Variants in SNX29 observed in about 807,000 individuals in gnomAD.
SNX29 encodes the protein sorting nexin 29.
Under a neutral mutation model 102.1 loss-of-function variants are expected in SNX29, and 78 were observed. The observed-to-expected ratio is 0.76, with a 90% CI of 0.64 to 0.92. The LOEUF is 0.92. Ranked by LOEUF, SNX29 falls within the 40% of genes least tolerant of loss-of-function variation. The probability of loss-of-function intolerance (pLI) is 0.00; values close to 1 mark genes in which losing one functional copy is unlikely to be tolerated. For missense variants in SNX29, 1,280 were observed against 1,061.7 expected, an observed-to-expected ratio of 1.21 and a Z score of -2.86; for synonymous variants, 580 against 414.5, an observed-to-expected ratio of 1.40 and a Z score of -4.85.
At chr16:12,120,514 G>C (rs1469727064) in intron 11 of SNX29, among the ~76,000 whole-genome samples, 1 of 152,256 alleles carries the variant, frequency 6.6e-6, no homozygotes, top group Non-Finnish European at 1.5e-5. Context: ...AGATCAATGA[G>C]TCTCAGGATA....
chr16:12,200,609 A>G (rs539341781), intron 14 of SNX29, among the ~76,000 whole-genome samples: 4 of 152,148 alleles, frequency 2.6e-5, no homozygotes, highest in Non-Finnish European at 5.9e-5. Context: ...CAGCCTCCCA[A>G]ATAGCTGGGA....
intron 15 of SNX29, among the ~76,000 whole-genome samples, chr16:12,340,201 C>T (rs942468272): frequency 3.9e-5 from 6 of 152,204 alleles, no homozygotes; most frequent in African/African-American, 1.4e-4. Flanking sequence ...TCTTCTCCTT[C>T]CCTGGAGAAA....
chr16:12,543,247 A>G (rs1009065614), intron 20 of SNX29, among the ~76,000 whole-genome samples: 7 of 152,212 alleles, frequency 4.6e-5, no homozygotes, highest in African/African-American at 1.7e-4. Flanking sequence ...GAGATTCTGA[A>G]TGATGCAGCT....
At chr16:12,256,169 C>A (rs1048655210) in intron 14 of SNX29, among the ~76,000 whole-genome samples, 1 of 152,216 alleles carries the variant, frequency 6.6e-6, no homozygotes, top group African/African-American at 2.4e-5. Flanking sequence ...GTTTGGATGT[C>A]TTCCTTGAGA....
intron 14 of SNX29, among the ~76,000 whole-genome samples, chr16:12,224,726 G>C (rs1369808438): frequency 1.3e-5 from 2 of 152,140 alleles, no homozygotes; most frequent in African/African-American, 4.8e-5. Context: ...TTGTTTTTTT[G>C]TTTGGATAGT....
At chr16:12,170,230 G>A (rs1242382840) in intron 13 of SNX29, among the ~76,000 whole-genome samples, 4 of 152,116 alleles carry the variant, frequency 2.6e-5, no homozygotes, top group Non-Finnish European at 5.9e-5. Context: ...TGTGGCGGAG[G>A]AGCCATGGAG....
At chr16:12,196,615 CT>C (rs1423097203) in intron 13 of SNX29, among the ~76,000 whole-genome samples, 66 of 116,430 alleles carry the variant, frequency 5.7e-4, no homozygotes, top group African/African-American at 1.7e-3. Context: ...TTTCTTTTTT[CT>C]TTTTTCTTTT....
chr16:12,517,073 C>T (rs918886475), intron 19 of SNX29, among the ~76,000 whole-genome samples: 3 of 152,204 alleles, frequency 2.0e-5, no homozygotes, highest in Non-Finnish European at 2.9e-5. Context: ...CCAGTGCCGT[C>T]TATGAATAGC....
At chr16:12,064,051 G>T (rs2050906703) in intron 9 of SNX29, among the ~76,000 whole-genome samples, 1 of 152,090 alleles carries the variant, frequency 6.6e-6, no homozygotes, top group South Asian at 2.1e-4. Flanking sequence ...TCTGTCTCAT[G>T]AATCAATTTC....
intron 20 of SNX29, among the ~76,000 whole-genome samples, chr16:12,565,258 G>A (rs1465561): frequency 0.26 from 39,710 of 152,078 alleles, 5,764 homozygotes; most frequent in East Asian, 0.44. Flanking sequence ...GATGGCAGTT[G>A]CAAGAGGTTC....
chr16:12,554,995 C>G (rs774450452), intron 20 of SNX29, among the ~76,000 whole-genome samples: 9 of 152,020 alleles, frequency 5.9e-5, no homozygotes, highest in Non-Finnish European at 1.3e-4. Context: ...GAGCACCTTT[C>G]TTTCTTGCAG....
intron 20 of SNX29, among the ~76,000 whole-genome samples, chr16:12,563,232 C>A (rs542045653): frequency 6.6e-6 from 1 of 152,066 alleles, no homozygotes; most frequent in Non-Finnish European, 1.5e-5. Flanking sequence ...TGAAAGTGGC[C>A]TCCCCATCAT....
intron 20 of SNX29, among the ~76,000 whole-genome samples, chr16:12,557,925 G>C (rs1245933264): frequency 6.6e-6 from 1 of 152,164 alleles, no homozygotes; most frequent in Non-Finnish European, 1.5e-5. Flanking sequence ...AGGGCAGGCA[G>C]GCTGCTATTT....
chr16:12,361,621 C>G (rs2082301239), intron 16 of SNX29, among the ~76,000 whole-genome samples: 1 of 152,090 alleles, frequency 6.6e-6, no homozygotes, highest in Admixed American at 6.5e-5. Context: ...CCCAGCATCC[C>G]ACACTGAGAA....
chr16:12,003,160 T>G (rs1358951603), intron 3 of SNX29, 117 bp downstream of exon 3: 2 of 1,266,798 alleles, frequency 1.6e-6, no homozygotes, highest in Non-Finnish European at 2.3e-6. Context: ...GCGGCTGGCT[T>G]CTGGGCTCTG....
At chr16:12,317,595 C>G (rs1027730800) in intron 15 of SNX29, among the ~76,000 whole-genome samples, 44 of 152,354 alleles carry the variant, frequency 2.9e-4, no homozygotes, top group Non-Finnish European at 4.4e-5. Flanking sequence ...GTGCTGCCAC[C>G]TAACACTCTC....
Position 12,558,386 on chromosome 16 carries a change from A to G in SNX29, c.2319-10120A>G, listed in dbSNP as rs527759669. On this transcript the variant is annotated intron_variant, in intron 20 of 20. Transcript: ENST00000566228. Reference sequence around the variant, plus strand: ...CCATTGGTAACCATCGGAATTTTACATAGAGTGATATGTTAGCCTTGAAGT... The same window carrying G: ...CCATTGGTAACCATCGGAATTTTACGTAGAGTGATATGTTAGCCTTGAAGT... 1.6e-3 allele frequency among the ~76,000 whole-genome samples: 243 copies of G among 152,272 alleles called. 1 individual carries two copies. Among genetic ancestry groups the G allele is most frequent in the African/African-American group, 5.7e-3 (235 of 41,544 alleles).
At chr16:12,204,278 C>A (rs952104995) in intron 14 of SNX29, among the ~76,000 whole-genome samples, 1 of 152,200 alleles carries the variant, frequency 6.6e-6, no homozygotes, top group Non-Finnish European at 1.5e-5. Context: ...TCCCCTGCTC[C>A]TGTTATCAAG....
intron 20 of SNX29, among the ~76,000 whole-genome samples, chr16:12,550,577 C>T (rs1309389616): frequency 6.6e-6 from 1 of 150,956 alleles, no homozygotes; most frequent in Non-Finnish European, 1.5e-5. Flanking sequence ...ATATATACTT[C>T]CACCGGTGCA....
Sources: gnomAD v4.1 joint callset for allele counts (sites outside exome capture counted in the v4.1 genomes callset) on GRCh38, gnomAD v4.1.1 for gene constraint, MANE v1.5 for transcripts, NCBI Gene and HGNC (gene_info 2026-07-23, HGNC 2026-07-21) for gene names.